The following CNTN3 variants were observed in gnomAD, a reference collection of about 807,000 sequenced individuals.
The protein encoded by CNTN3 is contactin 3.
Under a neutral mutation model 119.1 loss-of-function variants are expected in CNTN3, and 60 were observed. The observed-to-expected ratio is 0.50, with a 90% CI of 0.41 to 0.62. The LOEUF (loss-of-function observed/expected upper bound fraction) is 0.62, where lower values mean the gene tolerates loss of function less well. Among genes scored for constraint, CNTN3 ranks in the 20% least tolerant of loss-of-function variants. The pLI is 0.00. For synonymous variants in CNTN3, 450 were observed against 438.7 expected (o/e 1.03, Z -0.32); for missense variants, 1,101 against 1,242.4 (o/e 0.89, Z 1.71).
At chr3:74,588,741 C>T (rs1276401964) in intron 1 of CNTN3, among the ~76,000 whole-genome samples, 1 of 152,136 alleles carries the variant, frequency 6.6e-6, no homozygotes, top group Non-Finnish European at 1.5e-5. Flanking sequence ...CAGCATGGTA[C>T]TGGTACCAAA....
chr3:74,587,105 G>A lies in CNTN3; in HGVS notation c.-81+27286C>T, dbSNP rs371472135. On this transcript the variant is annotated intron_variant, in intron 1 of 22. Transcript: ENST00000263665. ...TTTATTACTTGGTATGTATAGGAAA[G>A]TGACCTCTATTTCCATGGAGGGGAA... Among the ~76,000 whole-genome samples, 14 of 152,106 alleles carry A rather than the reference G, an allele frequency of 9.2e-5. No individual in the cohort carries two copies. The East Asian group carries it at 1.7e-3, about 19-fold the overall frequency.
intron 10 of CNTN3, among the ~76,000 whole-genome samples, chr3:74,362,502 C>T (rs535991880): frequency 2.0e-4 from 30 of 152,058 alleles, no homozygotes; most frequent in Middle Eastern, 3.4e-3. Context: ...TCAAGTTCCA[C>T]GATAAAATGT....
intron 13 of CNTN3, among the ~76,000 whole-genome samples, chr3:74,305,876 T>C (rs1258269844): frequency 6.6e-6 from 1 of 151,898 alleles, no homozygotes; most frequent in Non-Finnish European, 1.5e-5. Flanking sequence ...AATGCAGTTA[T>C]GATTATGCAC....
chr3:74,366,780 G>GTGTGTGTATATATATATATATA (rs1447686332), intron 8 of CNTN3, among the ~76,000 whole-genome samples: 10 of 63,704 alleles, frequency 1.6e-4, no homozygotes, highest in African/African-American at 5.1e-4. Context: ...GTGTGTGTGT[G>GTGTGTGTATATATATATATATA]TATATATATA....
At chr3:74,270,305 C>A (rs1188238355) in intron 20 of CNTN3, among the ~76,000 whole-genome samples, 4 of 152,160 alleles carry the variant, frequency 2.6e-5, no homozygotes, top group Non-Finnish European at 5.9e-5. Flanking sequence ...CCCCAAGTGG[C>A]AGCCATAAAA....
intron 13 of CNTN3, among the ~76,000 whole-genome samples, chr3:74,313,465 G>C (rs544097195): frequency 9.2e-5 from 14 of 152,070 alleles, no homozygotes; most frequent in Non-Finnish European, 2.1e-4. Context: ...TTTGTAAAAA[G>C]TGAAAATTTT....
intron 1 of CNTN3, among the ~76,000 whole-genome samples, chr3:74,521,971 A>T (rs1703549441): frequency 6.6e-6 from 1 of 151,862 alleles, no homozygotes; most frequent in East Asian, 2.0e-4. Flanking sequence ...ATGATTTTAA[A>T]GTTTGCTACT....
chr3:74,446,683 GT>G (rs10669743), intron 4 of CNTN3, among the ~76,000 whole-genome samples: 72,021 of 136,990 alleles, frequency 0.53, 18,051 homozygotes, highest in Middle Eastern at 0.71. Context: ...AATTTTACTT[GT>G]TTTTTTTTTT....
At chr3:74,445,218 C>T (rs937371263) in intron 4 of CNTN3, among the ~76,000 whole-genome samples, 3 of 152,098 alleles carry the variant, frequency 2.0e-5, no homozygotes, top group African/African-American at 7.2e-5. Flanking sequence ...AGTCTTCTGA[C>T]AATAACATAT....
intron 1 of CNTN3, among the ~76,000 whole-genome samples, chr3:74,561,202 G>T: frequency 6.7e-6 from 1 of 149,480 alleles, no homozygotes; most frequent in Admixed American, 6.6e-5. Context: ...AAAATAAAAT[G>T]AAATCTTACT....
At chr3:74,588,392 G>A (rs951744155) in intron 1 of CNTN3, among the ~76,000 whole-genome samples, 5 of 151,910 alleles carry the variant, frequency 3.3e-5, no homozygotes, top group South Asian at 4.2e-4. Context: ...GGAATCCAAC[G>A]TACAAGGGAC....
chr3:74,285,526 T>G, intron 19 of CNTN3, 35 bp from the exon 20 acceptor site: 1 of 1,560,192 alleles, frequency 6.4e-7, no homozygotes, highest in Non-Finnish European at 8.7e-7. Flanking sequence ...TGTGAAGGCT[T>G]AAAAAATTCT....
intron 5 of CNTN3, among the ~76,000 whole-genome samples, chr3:74,410,431 G>T (rs1431682029): frequency 6.6e-6 from 1 of 152,200 alleles, no homozygotes; most frequent in Non-Finnish European, 1.5e-5. Context: ...GAATTAACAT[G>T]TCATGTTTAT....
intron 2 of CNTN3, among the ~76,000 whole-genome samples, chr3:74,513,064 T>TGCTTCC (rs58283045): frequency 6.6e-6 from 1 of 152,074 alleles, no homozygotes; most frequent in South Asian, 2.1e-4. Flanking sequence ...CTAGGAGCTC[T>TGCTTCC]AAAGCTTAAG....
chr3:74,311,450 T>G (rs958067125), intron 13 of CNTN3, among the ~76,000 whole-genome samples: 2 of 152,188 alleles, frequency 1.3e-5, no homozygotes, highest in Admixed American at 6.5e-5. Context: ...TAAAAATAAT[T>G]TAGAAAACCC....
At chr3:74,509,082 T>C (rs1049536847) in intron 2 of CNTN3, among the ~76,000 whole-genome samples, 4 of 152,210 alleles carry the variant, frequency 2.6e-5, no homozygotes, top group Non-Finnish European at 4.4e-5. Context: ...AAACATATTT[T>C]ATTTTGTTTT....
chr3:74,287,121 G>A (rs1345132974), intron 19 of CNTN3, among the ~76,000 whole-genome samples: 4 of 152,112 alleles, frequency 2.6e-5, no homozygotes, highest in African/African-American at 9.7e-5. Flanking sequence ...GCCAGGCTTC[G>A]TATTCAAGTC....
chr3:74,503,774 AC>A (rs1227251703), intron 2 of CNTN3, among the ~76,000 whole-genome samples: 1 of 152,100 alleles, frequency 6.6e-6, no homozygotes, highest in African/African-American at 2.4e-5. Context: ...ACTTTTTGTG[AC>A]AGGGGCATTT....
chr3:74,364,891 T>C (rs1704154123), intron 9 of CNTN3, among the ~76,000 whole-genome samples: 1 of 152,194 alleles, frequency 6.6e-6, no homozygotes, highest in Admixed American at 6.5e-5. Context: ...AGTTAAAGTT[T>C]CTTAAAAAGG....
Sources: allele counts gnomAD v4.1 joint callset (sites outside exome capture counted in the v4.1 genomes callset), GRCh38; gene constraint gnomAD v4.1.1; transcripts MANE v1.5; gene names NCBI Gene and HGNC (gene_info 2026-07-23, HGNC 2026-07-21).